Variants in FRAS1 observed in about 807,000 individuals in gnomAD.
FRAS1 encodes the protein extracellular matrix organizing protein FRAS1.
Under a neutral mutation model 435.2 loss-of-function variants are expected in FRAS1, and 290 were observed. The ratio of observed to expected loss-of-function variants is 0.67; its 90% CI spans 0.61 to 0.73. The LOEUF is 0.73. Among genes scored for constraint, FRAS1 ranks in the 30% least tolerant of loss-of-function variants. FRAS1 has a pLI of 0.00. For missense variants in FRAS1, 4,860 were observed against 5,001.5 expected (o/e 0.97, Z 0.85); for synonymous variants, 1,800 against 1,851.0 (o/e 0.97, Z 0.71).
chr4:78,267,553 T>C (rs1366734222), intron 9 of FRAS1, 121 bp downstream of exon 9: 11 of 849,660 alleles, frequency 1.3e-5, no homozygotes, highest in Non-Finnish European at 2.0e-5. Context: ...CTTCTCACAC[T>C]TCATAGGACC....
At chr4:78,302,287 G>C (rs1326068237) in intron 14 of FRAS1, among the ~76,000 whole-genome samples, 1 of 151,558 alleles carries the variant, frequency 6.6e-6, no homozygotes, top group Non-Finnish European at 1.5e-5. Flanking sequence ...CCAAGTCTTT[G>C]CTATTATGAA....
chr4:78,428,023 A>C (rs1734061056), intron 35 of FRAS1, among the ~76,000 whole-genome samples: 1 of 152,252 alleles, frequency 6.6e-6, no homozygotes, highest in African/African-American at 2.4e-5. Flanking sequence ...ACAGATAAAC[A>C]CATTGATGAG....
At chr4:78,521,766 T>A (rs1721394294) in intron 68 of FRAS1, 136 bp downstream of exon 68, 1 of 572,662 alleles carries the variant, frequency 1.7e-6, no homozygotes, top group Non-Finnish European at 3.1e-6. Context: ...TGCACATACA[T>A]CCATCCATAC....
Position 78,470,074 on chromosome 4 carries a change from GAAT to G in FRAS1, c.7356_7358del (p.Glu2452_Tyr2453delinsAsp). 6.2e-7 allele frequency: 1 copy of G among 1,612,398 alleles called. No homozygotes were observed. The highest frequency in any genetic ancestry group is 1.7e-4 in the Middle Eastern group (1 of 6,056). Reference sequence around the variant, plus strand: ...CACCAACCTGGGACTCCAGTGGCTGGAATACATGGATGGCAAGGTAAGGCCTGT... The same window carrying G: ...CACCAACCTGGGACTCCAGTGGCTGGACATGGATGGCAAGGTAAGGCCTGT... On this transcript the variant is annotated inframe_deletion, in exon 51 of 74. Transcript: ENST00000512123.
chr4:78,430,179 A>C (rs1283432823), intron 36 of FRAS1, 113 bp from the exon 37 acceptor site: 5 of 1,232,236 alleles, frequency 4.1e-6, no homozygotes, highest in Non-Finnish European at 3.5e-6. Context: ...CTTTCTGATA[A>C]CAATCAGATT....
chr4:78,508,976 C>T lies in FRAS1; in HGVS notation c.9750C>T (p.Asp3250=), dbSNP rs531995520. Residue 3250 remains aspartate (D), a synonymous_variant, in exon 63 of 74, where the codon GAC becomes GAT. Transcript: ENST00000512123. ...GGTCTCCCTTTGAAACCATCACTGA[C>T]AACACACCATTCACCAGTGTCAACC... ...GARSPFETIT[D]NTPFTSVNHM... 1.2e-6 allele frequency: 2 copies of T among 1,614,010 alleles called. No homozygotes were observed. The highest frequency in any genetic ancestry group is 4.5e-5 in the East Asian group (2 of 44,880).
At chr4:78,114,340 A>T (rs1289400663) in intron 2 of FRAS1, among the ~76,000 whole-genome samples, 2 of 152,116 alleles carry the variant, frequency 1.3e-5, no homozygotes, top group African/African-American at 2.4e-5. Flanking sequence ...TATGAACTTT[A>T]AAGTAGTTTT....
In FRAS1 at chr4:78,317,439, G is replaced by A. The variant is rs749450098; in HGVS notation, c.1891G>A (p.Ala631Thr). ...CTGTACAGCCTGCAGCCCCCCCAAG[G>A]CTCTGCGTCAAGGCCACTGTCTGCC... is the stretch of plus-strand genomic sequence containing the variant. ...SHCTACSPPKALRQGHCLPRC... is the reference protein window; with the variant it reads ...SHCTACSPPKTLRQGHCLPRC... The change falls in exon 17 of 74, where the codon GCT becomes ACT. Residue 631 changes from alanine to threonine, a missense_variant. Transcript: ENST00000512123. The A allele has an allele frequency of 5.0e-6, 8 of 1,613,886 alleles. No individual in the cohort carries two copies. In the Admixed American group the frequency reaches 1.3e-4, roughly 27 times the overall value.
chr4:78,492,179 A>G lies in FRAS1; in HGVS notation c.8958+3099A>G, dbSNP rs1344257655. 4.6e-5 allele frequency among the ~76,000 whole-genome samples: 7 copies of G among 152,228 alleles called. No homozygotes were observed. The East Asian group carries it at 1.2e-3, about 25-fold the overall frequency. ...ACAAATGGAAAAATATTCCATGCTC[A>G]TGGATAAGAAAAATCAATATCATGA... On this transcript the variant is annotated intron_variant, in intron 59 of 73. Transcript: ENST00000512123.
intron 10 of FRAS1, 43 bp downstream of exon 10, chr4:78,278,787 C>T (rs747840586): frequency 2.7e-6 from 3 of 1,111,600 alleles, no homozygotes; most frequent in South Asian, 1.3e-5. Flanking sequence ...CAAATTAATT[C>T]AAAATTAATC....
rs1475183333 is a variant in FRAS1, at chr4:78,432,478, G to A, written c.5091G>A (p.Leu1697=). The A allele has an allele frequency of 3.1e-6, 5 of 1,613,164 alleles. No homozygotes were observed. Among genetic ancestry groups the A allele is most frequent in the Admixed American group, 1.7e-5 (1 of 59,882 alleles). The change falls in exon 38 of 74, where the codon CTG becomes CTA. Residue 1697 remains leucine (L), a synonymous_variant. Transcript: ENST00000512123. The part of the protein sequence containing the change: ...SVTDGLTVTM[L]EVRVEVSLSE... ...CAGATGGCCTCACAGTGACAATGCT[G>A]GAGGTGAGAGTAGAGGTGTCCCTGT...
chr4:78,482,926 A>G (rs1385670399), intron 58 of FRAS1, among the ~76,000 whole-genome samples: 1 of 152,250 alleles, frequency 6.6e-6, no homozygotes, highest in Middle Eastern at 3.2e-3. Context: ...TATAGATTTC[A>G]CCAAGGAGAT....
chr4:78,289,841 C>A (rs1578231220), intron 14 of FRAS1, among the ~76,000 whole-genome samples: 1 of 152,146 alleles, frequency 6.6e-6, no homozygotes, highest in Non-Finnish European at 1.5e-5. Flanking sequence ...ACCTTCCCCA[C>A]CACAATACTT....
chr4:78,249,064 C>CAT lies in FRAS1; in HGVS notation c.310-3307_310-3306dup, dbSNP rs200267733. 7.8e-3 allele frequency among the ~76,000 whole-genome samples: 129 copies of CAT among 16,604 alleles called. 10 individuals are homozygous for CAT. Among genetic ancestry groups the CAT allele is most frequent in the African/African-American group, 0.013 (124 of 9,454 alleles). 10.9% of individuals were successfully genotyped at this position (16,604 alleles called of 152,430 possible). ...AGAACTACTGATATATATATATATG[C>CAT]ATATATATATATATATATATATGCA... On this transcript the variant is annotated intron_variant, in intron 4 of 73. Coordinates refer to ENST00000512123, the MANE Select transcript of FRAS1 (RefSeq NM_025074.7).
At position 78,400,821 on chromosome 4, in the gene FRAS1, G is replaced by T; in HGVS notation, c.4063G>T (p.Ala1355Ser). ...MLQITNRILQAEAPGASAEEI... is the reference protein window; with the variant it reads ...MLQITNRILQSEAPGASAEEI... ...GCAGATCACCAACAGAATCTTACAG[G>T]CCGAGGCTCCTGGTGCCAGTGCTGA... The change falls in exon 30 of 74, where the codon GCC becomes TCC. Residue 1355 changes from alanine (A) to serine (S), a missense_variant. Ala to Ser is a moderately conservative substitution (Grantham distance 99). Transcript: ENST00000512123. 1 of 1,613,744 alleles carries T rather than the reference G, an allele frequency of 6.2e-7. No homozygotes were observed. The highest frequency in any genetic ancestry group is 1.1e-5 in the South Asian group (1 of 91,020).
chr4:78,388,819 A>G (rs1452993047), intron 29 of FRAS1, among the ~76,000 whole-genome samples: 1 of 152,076 alleles, frequency 6.6e-6, no homozygotes, highest in Non-Finnish European at 1.5e-5. Flanking sequence ...AAATAAATAA[A>G]TAAATAGCAT....
chr4:78,143,427 T>C (rs1226033849), intron 2 of FRAS1, among the ~76,000 whole-genome samples: 1 of 152,140 alleles, frequency 6.6e-6, no homozygotes, highest in East Asian at 1.9e-4. Flanking sequence ...TATAGATAAG[T>C]AGACAATCAG....
chr4:78,285,355 G>A (rs1233097603), intron 13 of FRAS1, among the ~76,000 whole-genome samples: 7 of 147,482 alleles, frequency 4.7e-5, no homozygotes, highest in African/African-American at 1.8e-4. Context: ...GTGAGACTCC[G>A]TCTCAAAAAA....
intron 41 of FRAS1, among the ~76,000 whole-genome samples, chr4:78,445,054 A>T (rs1013283557): frequency 2.2e-4 from 34 of 152,216 alleles, no homozygotes; most frequent in African/African-American, 8.2e-4. Flanking sequence ...ATGTTTTTAG[A>T]TTAAAAGATA....
Sources: allele counts gnomAD v4.1 joint callset (sites outside exome capture counted in the v4.1 genomes callset), GRCh38; gene constraint gnomAD v4.1.1; transcripts MANE v1.5; gene names NCBI Gene and HGNC (gene_info 2026-07-23, HGNC 2026-07-21).